Variants in GSE1 observed in about 807,000 individuals in gnomAD.
The protein encoded by GSE1 is Gse1 coiled-coil protein, also known as genetic suppressor element 1.
A neutral mutation model predicts 112.6 loss-of-function variants in GSE1; 32 were observed. That is an observed-to-expected ratio of 0.28 (90% CI 0.21 to 0.38). GSE1 has a LOEUF of 0.38. Among genes scored for constraint, GSE1 ranks in the 10% least tolerant of loss-of-function variants. The pLI, the probability that GSE1 is intolerant of heterozygous loss-of-function variation, is 1.00. For missense variants in GSE1, 2,348 were observed against 1,699.2 expected, an observed-to-expected ratio of 1.38 and a Z score of -6.71; for synonymous variants, 1,115 against 735.6, an observed-to-expected ratio of 1.52 and a Z score of -8.35.
intron 2 of GSE1, among the ~76,000 whole-genome samples, chr16:85,514,489 T>G (rs1408607321): frequency 1.4e-5 from 2 of 139,504 alleles, no homozygotes; most frequent in African/African-American, 2.6e-5. Context: ...GACAGGGCAG[T>G]CAGGCCTGGA....
At chr16:85,653,923 G>A (rs118057119) in intron 3 of GSE1, among the ~76,000 whole-genome samples, 2,910 of 152,272 alleles carry the variant, frequency 0.019, 37 homozygotes, top group Non-Finnish European at 0.031. Flanking sequence ...GTGACCTTCG[G>A]ATGTCCACAC....
chr16:85,665,903 A>G, intron 12 of GSE1, 73 bp from the exon 13 acceptor site: 2 of 1,437,360 alleles, frequency 1.4e-6, no homozygotes, highest in Non-Finnish European at 2.0e-6. Flanking sequence ...TCTAGAGACC[A>G]GGATCTGCGT....
At position 85,661,620 on chromosome 16, in the gene GSE1, C is replaced by G; in HGVS notation, c.2115C>G (p.Pro705=). The G allele has an allele frequency of 1.2e-6, 2 of 1,611,278 alleles. No homozygotes were observed. The highest frequency in any genetic ancestry group is 1.7e-6 in the Non-Finnish European group (2 of 1,179,454). ...QAATFGELSG[P]LKPGSPYRPP... ...CCACCTTCGGGGAGCTCAGCGGACC[C>G]CTGAAGCCTGGCTCGCCCTACCGGC... is the stretch of plus-strand genomic sequence containing the variant. The change falls in exon 9 of 16, where the codon CCC becomes CCG. Residue 705 remains proline, a synonymous_variant. Coordinates refer to ENST00000253458, the MANE Select transcript of GSE1 (RefSeq NM_014615.5).
chr16:85,403,070 C>G (rs1203980856), intron 2 of GSE1, among the ~76,000 whole-genome samples: 1 of 137,182 alleles, frequency 7.3e-6, no homozygotes, highest in East Asian at 2.2e-4. Flanking sequence ...GATCTACTCC[C>G]AAGCCCTCTC....
chr16:85,170,302 G>A (rs2074338617), exon 1 of GSE1: 12 of 985,590 alleles, frequency 1.2e-5, no homozygotes, highest in Non-Finnish European at 1.4e-5. Context: ...GAAGGGGGTT[G>A]GGAGGCACTG....
At chr16:85,556,918 T>C (rs955925982) in intron 1 of GSE1, among the ~76,000 whole-genome samples, 1 of 151,728 alleles carries the variant, frequency 6.6e-6, no homozygotes, top group Non-Finnish European at 1.5e-5. Context: ...CCGGGGAAGC[T>C]CAGGAGGGTA....
At chr16:85,493,623 C>G (rs905700176) in intron 2 of GSE1, among the ~76,000 whole-genome samples, 2 of 151,904 alleles carry the variant, frequency 1.3e-5, no homozygotes, top group Non-Finnish European at 2.9e-5. Context: ...CGTGGTGGCA[C>G]ATGCCTGTCA....
At chr16:85,246,380 T>TACAC (rs1426503377) in intron 1 of GSE1, among the ~76,000 whole-genome samples, 14,016 of 55,326 alleles carry the variant, frequency 0.25, 1,803 homozygotes, top group South Asian at 0.39. Context: ...ACACGCTGTC[T>TACAC]ACACACACAC....
chr16:85,604,694 A>G (rs1248295451), intron 1 of GSE1, among the ~76,000 whole-genome samples: 4 of 108,366 alleles, frequency 3.7e-5, no homozygotes, highest in African/African-American at 1.5e-4. Context: ...GCAGTGAGCT[A>G]TGATCGCACT....
intron 11 of GSE1, 138 bp downstream of exon 11, chr16:85,663,752 C>G: frequency 2.4e-6 from 2 of 833,746 alleles, no homozygotes; most frequent in Non-Finnish European, 3.8e-6. Context: ...CCTCCCGGCT[C>G]CCGGGAACAG....
At chr16:85,654,756 TCACCTGTCCC>T (rs764945225) in intron 4 of GSE1, 28 bp from the exon 5 acceptor site, 3 of 1,347,300 alleles carry the variant, frequency 2.2e-6, no homozygotes, top group Non-Finnish European at 3.2e-6. Flanking sequence ...AGGTGTGCAC[TCACCTGTCCC>T]CACCTTGCCC....
rs575424162 is a variant in GSE1, at chr16:85,441,343, G to A, written c.2464+83700G>A. 3.3e-5 allele frequency among the ~76,000 whole-genome samples: 5 copies of A among 152,284 alleles called. No homozygotes were observed. In the East Asian group the frequency reaches 5.8e-4, roughly 18 times the overall value. On this transcript the variant is annotated intron_variant, in intron 2 of 2. Transcript: ENST00000637419. ...TCACCTCCTAGTTGAGAATCACGGG[G>A]TTAAGGGACACTCACAAAACAGGGG...
At chr16:85,275,289 A>T (rs923645501) in intron 1 of GSE1, among the ~76,000 whole-genome samples, 1 of 152,166 alleles carries the variant, frequency 6.6e-6, no homozygotes, top group Non-Finnish European at 1.5e-5. Flanking sequence ...CCGTTCCTCC[A>T]CACCGAAGGA....
intron 2 of GSE1, among the ~76,000 whole-genome samples, chr16:85,439,597 C>G (rs2151777694): frequency 6.6e-6 from 1 of 152,196 alleles, no homozygotes; most frequent in East Asian, 1.9e-4. Context: ...AATTCTCGGC[C>G]TGTGTCAGTG....
chr16:85,516,239 C>T (rs1257737060), intron 2 of GSE1, among the ~76,000 whole-genome samples: 4 of 152,054 alleles, frequency 2.6e-5, no homozygotes, highest in African/African-American at 4.8e-5. Context: ...GATCTGGTGC[C>T]AGCACCTGTG....
intron 2 of GSE1, among the ~76,000 whole-genome samples, chr16:85,511,174 CAG>C (rs1171530567): frequency 6.6e-6 from 1 of 152,176 alleles, no homozygotes; most frequent in African/African-American, 2.4e-5. Context: ...GAGCTGGACT[CAG>C]AGAAGCAAGA....
chr16:85,450,363 C>T (rs1459091266), intron 2 of GSE1, among the ~76,000 whole-genome samples: 1 of 151,914 alleles, frequency 6.6e-6, no homozygotes, highest in African/African-American at 2.4e-5. Context: ...GGTGATCTGC[C>T]CGCCTTGGCC....
exon 1 of GSE1, chr16:85,171,011 C>T: frequency 1.0e-6 from 1 of 985,564 alleles, no homozygotes. Context: ...CGGGCGGTCC[C>T]CTCCAGGATC....
At chr16:85,651,189 G>A (rs955511106) in intron 3 of GSE1, among the ~76,000 whole-genome samples, 1 of 151,690 alleles carries the variant, frequency 6.6e-6, no homozygotes, top group Middle Eastern at 3.4e-3. Context: ...CTGTGGAGAC[G>A]GCAGTGAGAC....
Sources: gnomAD v4.1 joint callset for allele counts (sites outside exome capture counted in the v4.1 genomes callset) on GRCh38, gnomAD v4.1.1 for gene constraint, MANE v1.5 for transcripts, NCBI Gene and HGNC (gene_info 2026-07-23, HGNC 2026-07-21) for gene names.